The following CCDC192 variants were observed in gnomAD, a reference collection of about 807,000 sequenced individuals.
CCDC192 encodes coiled-coil domain-containing protein 192.
At chr5:127,868,107 G>A (rs1751691720) in intron 5 of CCDC192, among the ~76,000 whole-genome samples, 2 of 151,638 alleles carry the variant, frequency 1.3e-5, no homozygotes, top group Admixed American at 6.6e-5. Flanking sequence ...CTACATAAAG[G>A]GGCCAGAGCC....
chr5:127,809,622 C>T (rs1757970573), intron 5 of CCDC192, among the ~76,000 whole-genome samples: 1 of 152,164 alleles, frequency 6.6e-6, no homozygotes, highest in African/African-American at 2.4e-5. Flanking sequence ...AAGCCAAGGA[C>T]ATAACATGTA....
intron 5 of CCDC192, among the ~76,000 whole-genome samples, chr5:127,860,540 G>A (rs1751311776): frequency 6.6e-6 from 1 of 152,232 alleles, no homozygotes; most frequent in Non-Finnish European, 1.5e-5. Context: ...AACTTTCCTT[G>A]TTTAATTTAT....
At chr5:127,704,026 A>G (rs919943176) in intron 1 of CCDC192, among the ~76,000 whole-genome samples, 2 of 152,218 alleles carry the variant, frequency 1.3e-5, no homozygotes, top group Non-Finnish European at 2.9e-5. Flanking sequence ...TGTTGACACC[A>G]TACTCATTTC....
At chr5:127,771,948 TTCCACAC>T (rs1465692084) in intron 3 of CCDC192, among the ~76,000 whole-genome samples, 1 of 152,130 alleles carries the variant, frequency 6.6e-6, no homozygotes, top group East Asian at 1.9e-4. Context: ...GAATCCCAGG[TTCCACAC>T]AGGAAGAGGA....
At chr5:127,748,693 T>C (rs1362727080) in intron 2 of CCDC192, among the ~76,000 whole-genome samples, 2 of 142,238 alleles carry the variant, frequency 1.4e-5, no homozygotes, top group African/African-American at 5.0e-5. Context: ...GTAAATTACC[T>C]TGGGCAGTAT....
chr5:127,756,819 G>A (rs1280309115), intron 3 of CCDC192, among the ~76,000 whole-genome samples: 3 of 152,166 alleles, frequency 2.0e-5, no homozygotes, highest in Non-Finnish European at 4.4e-5. Context: ...CCTATGCCCA[G>A]GAATGAACAA....
intron 3 of CCDC192, among the ~76,000 whole-genome samples, chr5:127,765,291 T>G (rs2126897366): frequency 6.6e-6 from 1 of 152,354 alleles, no homozygotes; most frequent in South Asian, 2.1e-4. Flanking sequence ...CCAATGTCCT[T>G]TATTAAACCA....
chr5:127,712,732 C>T (rs1374024520), intron 2 of CCDC192, among the ~76,000 whole-genome samples: 1 of 152,166 alleles, frequency 6.6e-6, no homozygotes, highest in Non-Finnish European at 1.5e-5. Flanking sequence ...ATGCATGAGT[C>T]TTTGTATAGA....
At chr5:127,711,653 C>A (rs1017506845) in intron 2 of CCDC192, among the ~76,000 whole-genome samples, 2 of 152,042 alleles carry the variant, frequency 1.3e-5, no homozygotes, top group Non-Finnish European at 2.9e-5. Flanking sequence ...AGCAAACTTT[C>A]AAATCGTTAA....
At chr5:127,770,385 CT>C (rs1755480294) in intron 3 of CCDC192, among the ~76,000 whole-genome samples, 1 of 152,216 alleles carries the variant, frequency 6.6e-6, no homozygotes. Context: ...TTCTCTGTAC[CT>C]CTTTTCTTGG....
intron 5 of CCDC192, among the ~76,000 whole-genome samples, chr5:127,821,160 TTA>T (rs1749271693): frequency 6.6e-6 from 1 of 152,208 alleles, no homozygotes; most frequent in South Asian, 2.1e-4. Flanking sequence ...GGTGGATGAT[TTA>T]TAGTGTTTGC....
chr5:127,834,735 C>A (rs189372295), intron 5 of CCDC192, among the ~76,000 whole-genome samples: 177 of 152,298 alleles, frequency 1.2e-3, no homozygotes, highest in African/African-American at 4.1e-3. Flanking sequence ...GGGTCAGCTG[C>A]TAATTGTTAA....
chr5:127,827,584 T>G (rs1160954183), intron 5 of CCDC192, among the ~76,000 whole-genome samples: 2 of 152,180 alleles, frequency 1.3e-5, no homozygotes, highest in African/African-American at 4.8e-5. Context: ...TCTTAAATAT[T>G]TAATTAGTGT....
At chr5:127,861,562 C>T (rs1157979459) in intron 5 of CCDC192, among the ~76,000 whole-genome samples, 2 of 151,772 alleles carry the variant, frequency 1.3e-5, no homozygotes, top group African/African-American at 4.8e-5. Context: ...GGCTGAGGCA[C>T]GAGAATTTCT....
At chr5:127,908,460 TC>T (rs1480891798) in intron 6 of CCDC192, among the ~76,000 whole-genome samples, 1 of 152,190 alleles carries the variant, frequency 6.6e-6, no homozygotes, top group African/African-American at 2.4e-5. Flanking sequence ...TATAAGTCAT[TC>T]TTTTACTTTC....
chr5:127,794,653 C>T (rs1332268229), intron 3 of CCDC192, among the ~76,000 whole-genome samples: 2 of 144,168 alleles, frequency 1.4e-5, no homozygotes, highest in African/African-American at 5.8e-5. Context: ...TTTTAATCTA[C>T]AAATTCTTAC....
chr5:127,845,187 A>C (rs1750476368), intron 5 of CCDC192, among the ~76,000 whole-genome samples: 1 of 152,240 alleles, frequency 6.6e-6, no homozygotes, highest in Non-Finnish European at 1.5e-5. Context: ...TTAGCCAAGA[A>C]GCCATGTTCT....
At chr5:127,704,884 A>C (rs1750875341) in intron 1 of CCDC192, among the ~76,000 whole-genome samples, 1 of 151,212 alleles carries the variant, frequency 6.6e-6, no homozygotes. Context: ...TAAATAAATA[A>C]ATCATTTATT....
chr5:127,754,407 G>A (rs1409929864), intron 3 of CCDC192, 32 bp downstream of exon 3: 3 of 396,200 alleles, frequency 7.6e-6, no homozygotes, highest in East Asian at 3.6e-5. Context: ...GGAAACAAAT[G>A]TTCCTCAGTG....
Sources: gnomAD v4.1 joint callset for allele counts (sites outside exome capture counted in the v4.1 genomes callset) on GRCh38, gnomAD v4.1.1 for gene constraint, MANE v1.5 for transcripts, NCBI Gene and HGNC (gene_info 2026-07-23, HGNC 2026-07-21) for gene names.